CDH23: variants seen among roughly 807,000 people sequenced by gnomAD.
CDH23 encodes the protein cadherin related 23.
CDH23 carries 189 observed loss-of-function variants against 317.1 expected under a neutral mutation model. The ratio of observed to expected loss-of-function variants is 0.60; its 90% CI spans 0.53 to 0.67. The LOEUF (loss-of-function observed/expected upper bound fraction) is 0.67. Ranked by LOEUF, CDH23 falls within the 30% of genes least tolerant of loss-of-function variation. CDH23 has a pLI of 0.00. For synonymous variants in CDH23, 1,839 were observed against 1,876.8 expected (o/e 0.98, Z 0.52); for missense variants, 4,401 against 4,592.4 (o/e 0.96, Z 1.20).
At chr10:71,540,381 G>A (rs1247515706) in intron 6 of CDH23, among the ~76,000 whole-genome samples, 1 of 152,104 alleles carries the variant, frequency 6.6e-6, no homozygotes, top group Non-Finnish European at 1.5e-5. Flanking sequence ...ATGCCTGTAT[G>A]GGCCAGTTAC....
intron 3 of CDH23, among the ~76,000 whole-genome samples, chr10:71,477,868 A>T (rs1006698140): frequency 1.3e-5 from 2 of 152,104 alleles, no homozygotes; most frequent in African/African-American, 4.8e-5. Flanking sequence ...ATCCCGGCTT[A>T]GGCAGGACTG....
chr10:71,571,669 C>T (rs1432604093), intron 8 of CDH23, among the ~76,000 whole-genome samples: 1 of 152,186 alleles, frequency 6.6e-6, no homozygotes, highest in African/African-American at 2.4e-5. Flanking sequence ...AATGCAACAC[C>T]GGCTGTGGGT....
chr10:71,732,422 C>T (rs1839423177), intron 32 of CDH23, 47 bp downstream of exon 32: 1 of 1,549,684 alleles, frequency 6.5e-7, no homozygotes, highest in South Asian at 1.2e-5. Flanking sequence ...ATCTAACCAA[C>T]ATTGGTTGAG....
intron 6 of CDH23, among the ~76,000 whole-genome samples, chr10:71,554,249 G>A (rs764279196): frequency 2.0e-4 from 30 of 152,234 alleles, no homozygotes; most frequent in Admixed American, 3.3e-4. Flanking sequence ...CCCAGCTGGA[G>A]TGCAGCAGTG....
At chr10:71,742,013 C>A (rs1839750067) in intron 38 of CDH23, 92 bp downstream of exon 38, 7 of 1,059,034 alleles carry the variant, frequency 6.6e-6, no homozygotes, top group Non-Finnish European at 8.2e-6. Context: ...GAATGGAATT[C>A]CACACAGCAG....
intron 3 of CDH23, among the ~76,000 whole-genome samples, chr10:71,482,445 C>T (rs1189178627): frequency 6.6e-6 from 1 of 152,212 alleles, no homozygotes; most frequent in Non-Finnish European, 1.5e-5. Context: ...CATAGGACTG[C>T]TTTAAAGTTG....
chr10:71,529,502 G>A (rs543046295), intron 6 of CDH23, among the ~76,000 whole-genome samples: 22 of 152,326 alleles, frequency 1.4e-4, no homozygotes, highest in Admixed American at 1.4e-3. Context: ...TCGGCACAGA[G>A]GGGCCATTTT....
In CDH23 at chr10:71,802,842, C is replaced by T. The variant is rs1310991643; in HGVS notation, c.7483-56C>T. ...AGGCTTACTCCTGCATGACCAGGTC[C>T]GCTGAGGCTGCCCCATCCTGCTCCT... On this transcript the variant is annotated intron_variant, in intron 53 of 69. Transcript: ENST00000224721. 48 of 1,589,976 alleles carry T rather than the reference C, an allele frequency of 3.0e-5. 3 individuals are homozygous for T. The South Asian group carries it at 4.0e-4, about 13-fold the overall frequency.
At chr10:71,775,539 G>T (rs1177897090) in intron 38 of CDH23, among the ~76,000 whole-genome samples, 1 of 152,140 alleles carries the variant, frequency 6.6e-6, no homozygotes, top group South Asian at 2.1e-4. Context: ...AAGGACCATG[G>T]TCCAGAAACC....
intron 55 of CDH23, among the ~76,000 whole-genome samples, chr10:71,805,163 A>T (rs1841672887): frequency 6.6e-6 from 1 of 152,156 alleles, no homozygotes. Context: ...GTCATGGGTC[A>T]ATGTATGATT....
chr10:71,739,851 G>A, intron 36 of CDH23, 79 bp downstream of exon 36: 2 of 1,457,102 alleles, frequency 1.4e-6, no homozygotes, highest in Non-Finnish European at 1.8e-6. Flanking sequence ...CCAGGAGAGA[G>A]CCTGTCCATC....
Position 71,577,945 on chromosome 10 carries a change from A to G in CDH23, c.785A>G (p.Asp262Gly). 6.2e-7 allele frequency: 1 copy of G among 1,605,734 alleles called. No individual in the cohort carries two copies. The highest frequency in any genetic ancestry group is 8.5e-7 in the Non-Finnish European group (1 of 1,176,302). Reference sequence around the variant, plus strand: ...ACGGTGCGCATCATCACCGCCATAGACCAGGATAAAGGACGTCCCCGGGGC... The same window carrying G: ...ACGGTGCGCATCATCACCGCCATAGGCCAGGATAAAGGACGTCCCCGGGGC... The part of the protein sequence containing the change: ...GTTVRIITAI[D>G]QDKGRPRGIG... Residue 262 changes from aspartate to glycine, a missense_variant, in exon 9 of 70, where the codon GAC becomes GGC. Around this residue, in one of 3 missense-constraint regions of CDH23, gnomAD observed 3,068 missense variants for 3,203.3 expected, o/e 0.96. Transcript: ENST00000224721.
chr10:71,465,546 G>C (rs1028193035), intron 3 of CDH23, among the ~76,000 whole-genome samples: 27 of 152,252 alleles, frequency 1.8e-4, no homozygotes, highest in Admixed American at 1.6e-3. Context: ...TGGATCTCTG[G>C]CTAGGCCAGC....
intron 6 of CDH23, among the ~76,000 whole-genome samples, chr10:71,514,351 C>A (rs773444334): frequency 6.6e-6 from 1 of 152,150 alleles, no homozygotes; most frequent in Admixed American, 6.5e-5. Flanking sequence ...GTCTGGGGAG[C>A]CTTGGAGGAT....
At position 71,445,866 on chromosome 10, in the gene CDH23, A is replaced by G. The variant is rs867259527; in HGVS notation, c.68-452A>G. ...CTGTCTCAAAAAAAAAAAAAAAAAA[A>G]AAATCGGCAAATTAAAAAGAAACAG... is the stretch of plus-strand genomic sequence containing the variant. On this transcript the variant is annotated intron_variant, in intron 2 of 69. Coordinates refer to ENST00000224721, the MANE Select transcript of CDH23 (RefSeq NM_022124.6). Among the ~76,000 whole-genome samples the G allele has an allele frequency of 5.3e-3, 808 of 152,034 alleles. 4 individuals carry two copies. The highest frequency in any genetic ancestry group is 8.7e-3 in the Non-Finnish European group (590 of 67,960).
Position 71,602,967 on chromosome 10 carries a change from T to A in CDH23, c.833-12537T>A, listed in dbSNP as rs1257202933. Among the ~76,000 whole-genome samples, 3 of 152,240 alleles carry A rather than the reference T, an allele frequency of 2.0e-5. No homozygotes were observed. In the East Asian group the frequency reaches 5.8e-4, roughly 29 times the overall value. On this transcript the variant is annotated intron_variant, in intron 9 of 69. Transcript: ENST00000224721. ...GTTCTCCAGTCGGCTTCCTCATACA[T>A]GTGCCTTGTCCTTCCCCGAAGATGA...
chr10:71,778,181 T>TC lies in CDH23; in HGVS notation c.5068-3dup. Reference sequence around the variant, plus strand: ...GATCCATCCTTGTCCCTTCCCTGTGTCCCCCAGGGTGTCATCACTGCTGCC... The same window carrying TC: ...GATCCATCCTTGTCCCTTCCCTGTGTCCCCCCAGGGTGTCATCACTGCTGCC... On this transcript the variant is annotated splice_polypyrimidine_tract_variant and splice_region_variant and intron_variant, in intron 39 of 69. Coordinates refer to ENST00000224721, the MANE Select transcript of CDH23 (RefSeq NM_022124.6). 6.2e-7 allele frequency: 1 copy of TC among 1,613,726 alleles called. No individual in the cohort carries two copies.
chr10:71,562,209 G>C (rs908314298), intron 6 of CDH23, among the ~76,000 whole-genome samples: 1 of 151,544 alleles, frequency 6.6e-6, no homozygotes, highest in Non-Finnish European at 1.5e-5. Context: ...AGATGGCAAA[G>C]TCTGGCCCTG....
At chr10:71,741,055 T>G (rs2132846531) in intron 37 of CDH23, 105 bp downstream of exon 37, 1 of 1,319,394 alleles carries the variant, frequency 7.6e-7, no homozygotes, top group Non-Finnish European at 1.1e-6. Flanking sequence ...CACTGGTCCC[T>G]CAGATCTCAT....
Sources: allele counts gnomAD v4.1 joint callset (sites outside exome capture counted in the v4.1 genomes callset), GRCh38; gene constraint gnomAD v4.1.1; regional missense constraint gnomAD v4.1.1; transcripts MANE v1.5; gene names NCBI Gene and HGNC (gene_info 2026-07-23, HGNC 2026-07-21).